IFTAP: variants seen among roughly 807,000 people sequenced by gnomAD.
IFTAP encodes the protein intraflagellar transport-associated protein.
A neutral mutation model predicts 19.4 loss-of-function variants in IFTAP; 19 were observed. The ratio of observed to expected loss-of-function variants is 0.98; its 90% CI spans 0.68 to 1.44. The LOEUF (loss-of-function observed/expected upper bound fraction) is 1.44. Ranked by LOEUF, IFTAP falls within the 40% of genes most tolerant of loss-of-function variation. IFTAP has a pLI of 0.00. For synonymous variants in IFTAP, 85 were observed against 83.5 expected, an observed-to-expected ratio of 1.02 and a Z score of -0.10; for missense variants, 240 against 253.6, an observed-to-expected ratio of 0.95 and a Z score of 0.36.
chr11:36,596,932 T>C (rs963715034), intron 1 of IFTAP, among the ~76,000 whole-genome samples: 1 of 152,208 alleles, frequency 6.6e-6, no homozygotes, highest in African/African-American at 2.4e-5. Flanking sequence ...TTTTGTAGCT[T>C]AGTCTAGGCC....
chr11:36,638,432 A>G (rs1853049277), intron 4 of IFTAP, among the ~76,000 whole-genome samples: 1 of 152,168 alleles, frequency 6.6e-6, no homozygotes, highest in African/African-American at 2.4e-5. Context: ...ACCTTCCCAC[A>G]CATAGAATGA....
At chr11:36,624,643 C>T (rs1852438388) in intron 2 of IFTAP, among the ~76,000 whole-genome samples, 1 of 152,102 alleles carries the variant, frequency 6.6e-6, no homozygotes, top group South Asian at 2.1e-4. Context: ...TTTTGTGCTT[C>T]CTTGATATGG....
At chr11:36,622,680 GT>G (rs1361568950) in intron 2 of IFTAP, among the ~76,000 whole-genome samples, 1 of 152,056 alleles carries the variant, frequency 6.6e-6, no homozygotes, top group Non-Finnish European at 1.5e-5. Flanking sequence ...ACACATGAAA[GT>G]ATTTGGTAAA....
At chr11:36,603,845 C>G (rs996390811) in intron 1 of IFTAP, among the ~76,000 whole-genome samples, 2 of 151,512 alleles carry the variant, frequency 1.3e-5, no homozygotes, top group Admixed American at 1.3e-4. Context: ...TCACTTGAAC[C>G]CAGGAAGTAG....
intron 1 of IFTAP, among the ~76,000 whole-genome samples, chr11:36,597,943 C>T (rs373459658): frequency 2.2e-4 from 34 of 152,048 alleles, no homozygotes; most frequent in African/African-American, 7.0e-4. Flanking sequence ...GAACAGAAAG[C>T]CCCACATTTT....
intron 4 of IFTAP, among the ~76,000 whole-genome samples, chr11:36,638,344 A>C (rs75930076): frequency 0.012 from 1,818 of 152,292 alleles, 21 homozygotes; most frequent in East Asian, 0.031. Context: ...TTTTTCCAGA[A>C]ATCAGATAAC....
chr11:36,622,012 A>G (rs1181618708), intron 2 of IFTAP, among the ~76,000 whole-genome samples: 1 of 152,008 alleles, frequency 6.6e-6, no homozygotes, highest in African/African-American at 2.4e-5. Context: ...TTAATAAAAT[A>G]ACAATAAGAA....
intron 3 of IFTAP, among the ~76,000 whole-genome samples, chr11:36,634,208 TAGAG>T (rs1382786332): frequency 2.0e-5 from 3 of 152,154 alleles, no homozygotes; most frequent in Non-Finnish European, 4.4e-5. Flanking sequence ...TTATATTATA[TAGAG>T]AGTCTTTAAC....
chr11:36,643,612 A>G (rs936696866), intron 4 of IFTAP, among the ~76,000 whole-genome samples: 1 of 152,244 alleles, frequency 6.6e-6, no homozygotes, highest in Non-Finnish European at 1.5e-5. Flanking sequence ...ACAAGGCTAC[A>G]GTAACCAAAA....
At position 36,645,689 on chromosome 11, in the gene IFTAP, T is replaced by C. The variant is rs139391860; in HGVS notation, c.359-2327T>C. Among the ~76,000 whole-genome samples the C allele has an allele frequency of 9.9e-5, 15 of 152,268 alleles. No individual in the cohort carries two copies. The East Asian group carries it at 2.3e-3, about 24-fold the overall frequency. On this transcript the variant is annotated intron_variant, in intron 4 of 5. Transcript: ENST00000334307. Reference sequence around the variant, plus strand: ...CCTTGCCAGGCTCTTTTCATTCATATTGTTTTTGCCCTTTTATAAATCTGT... The same window carrying C: ...CCTTGCCAGGCTCTTTTCATTCATACTGTTTTTGCCCTTTTATAAATCTGT...
intron 2 of IFTAP, among the ~76,000 whole-genome samples, chr11:36,623,481 A>G (rs958310693): frequency 6.6e-6 from 1 of 152,124 alleles, no homozygotes; most frequent in Non-Finnish European, 1.5e-5. Context: ...GGTTATAGGA[A>G]TAATTTTACT....
chr11:36,595,660 A>T (rs1851192502), intron 1 of IFTAP, among the ~76,000 whole-genome samples: 1 of 152,124 alleles, frequency 6.6e-6, no homozygotes, highest in Admixed American at 6.5e-5. Flanking sequence ...GAAAACTGAG[A>T]TAATAATTTT....
intron 2 of IFTAP, among the ~76,000 whole-genome samples, chr11:36,621,119 AT>A (rs1451283654): frequency 1.3e-5 from 2 of 151,938 alleles, no homozygotes; most frequent in Non-Finnish European, 2.9e-5. Context: ...TTGAGACATT[AT>A]TTTTATTCGT....
At chr11:36,621,349 A>T (rs1852283718) in intron 2 of IFTAP, among the ~76,000 whole-genome samples, 1 of 151,782 alleles carries the variant, frequency 6.6e-6, no homozygotes. Flanking sequence ...TTTTAACCAA[A>T]CTCTTATATG....
chr11:36,609,989 G>C, intron 1 of IFTAP, 92 bp from the exon 2 acceptor site: 1 of 1,147,274 alleles, frequency 8.7e-7, no homozygotes, highest in Non-Finnish European at 1.3e-6. Context: ...TTGTTTTGGA[G>C]CCTTGGAATT....
intron 4 of IFTAP, among the ~76,000 whole-genome samples, chr11:36,639,588 C>A (rs932693742): frequency 6.6e-6 from 1 of 152,096 alleles, no homozygotes; most frequent in Non-Finnish European, 1.5e-5. Context: ...AACTGCATGA[C>A]GAGAGAGGAA....
chr11:36,602,795 G>A (rs1034063051), intron 1 of IFTAP, among the ~76,000 whole-genome samples: 15 of 151,578 alleles, frequency 9.9e-5, no homozygotes, highest in Non-Finnish European at 2.2e-4. Context: ...GTGAAGATAG[G>A]GTGTTTACTT....
intron 1 of IFTAP, among the ~76,000 whole-genome samples, chr11:36,608,174 T>C (rs1851760274): frequency 6.6e-6 from 1 of 152,242 alleles, no homozygotes; most frequent in South Asian, 2.1e-4. Context: ...TCTATTATTC[T>C]CTATAAACAT....
At chr11:36,628,009 C>CTT (rs559143986) in intron 2 of IFTAP, among the ~76,000 whole-genome samples, 3,801 of 144,210 alleles carry the variant, frequency 0.026, 327 homozygotes, top group African/African-American at 0.093. Flanking sequence ...CTTGCGAACT[C>CTT]TTTTTTTTTT....
Sources: allele counts gnomAD v4.1 joint callset (sites outside exome capture counted in the v4.1 genomes callset), GRCh38; gene constraint gnomAD v4.1.1; transcripts MANE v1.5; gene names NCBI Gene and HGNC (gene_info 2026-07-23, HGNC 2026-07-21).